The following KALRN variants were observed in gnomAD, a reference collection of about 807,000 sequenced individuals.
KALRN encodes kalirin.
Under a neutral mutation model 353.7 loss-of-function variants are expected in KALRN, and 70 were observed. The ratio of observed to expected loss-of-function variants is 0.20; its 90% confidence interval spans 0.16 to 0.24. The LOEUF is 0.24. Ranked by LOEUF, KALRN falls within the 10% of genes least tolerant of loss-of-function variation. The pLI is 1.00. For synonymous variants in KALRN, 1,391 were observed against 1,434.8 expected (o/e 0.97, Z 0.69); for missense variants, 2,791 against 3,756.7 (o/e 0.74, Z 6.72).
chr3:124,179,305 A>C (rs2073231508), intron 1 of KALRN, among the ~76,000 whole-genome samples: 1 of 152,160 alleles, frequency 6.6e-6, no homozygotes, highest in Non-Finnish European at 1.5e-5. Flanking sequence ...TTTTTTAACA[A>C]ATAAATACAC....
intron 34 of KALRN, chr3:124,584,679 G>C: frequency 7.0e-7 from 1 of 1,432,242 alleles, no homozygotes; most frequent in East Asian, 2.6e-5. Context: ...GTAAGTCAGA[G>C]CTGCGGCCGC....
chr3:124,176,157 G>T (rs1020304697), intron 1 of KALRN, among the ~76,000 whole-genome samples: 5 of 152,034 alleles, frequency 3.3e-5, no homozygotes, highest in Non-Finnish European at 5.9e-5. Flanking sequence ...AGCTTCCCCA[G>T]ATCAATCTTC....
intron 38 of KALRN, among the ~76,000 whole-genome samples, chr3:124,651,957 A>C (rs2083463296): frequency 6.6e-6 from 1 of 152,168 alleles, no homozygotes; most frequent in East Asian, 1.9e-4. Context: ...TTTCTTGTTT[A>C]GGGTTGTACT....
intron 10 of KALRN, among the ~76,000 whole-genome samples, chr3:124,353,315 C>G (rs1581261681): frequency 1.3e-5 from 2 of 152,180 alleles, no homozygotes; most frequent in Middle Eastern, 3.4e-3. Flanking sequence ...ATAGGATAAT[C>G]CACAGAGATG....
At chr3:124,292,738 C>T (rs1004580725) in intron 5 of KALRN, among the ~76,000 whole-genome samples, 12 of 152,122 alleles carry the variant, frequency 7.9e-5, no homozygotes, top group Admixed American at 7.9e-4. Context: ...TAAATTCATA[C>T]CTTTCATCTG....
At chr3:124,342,624 G>A (rs1285407791) in intron 9 of KALRN, among the ~76,000 whole-genome samples, 4 of 152,034 alleles carry the variant, frequency 2.6e-5, no homozygotes, top group Non-Finnish European at 5.9e-5. Context: ...TTATTATTGG[G>A]ATTCAGCTAG....
intron 51 of KALRN, among the ~76,000 whole-genome samples, chr3:124,690,282 A>G (rs333286): frequency 0.014 from 2,153 of 152,360 alleles, 53 homozygotes; most frequent in African/African-American, 0.049. Flanking sequence ...ATAGGGAGCC[A>G]CAGACAAATA....
intron 57 of KALRN, among the ~76,000 whole-genome samples, chr3:124,711,280 C>T (rs2062874609): frequency 2.0e-5 from 3 of 152,076 alleles, no homozygotes; most frequent in Non-Finnish European, 4.4e-5. Context: ...TCTCAGCTTC[C>T]CAAAGCACTG....
intron 1 of KALRN, chr3:124,079,979 T>G (rs1401609299): frequency 1.3e-5 from 6 of 469,136 alleles, no homozygotes; most frequent in Non-Finnish European, 2.7e-5. Flanking sequence ...TTTATTATTC[T>G]GATGTCATGC....
chr3:124,094,616 CACGGCG>C, intron 1 of KALRN: 1 of 595,148 alleles, frequency 1.7e-6, no homozygotes, highest in Non-Finnish European at 3.1e-6. Flanking sequence ...TCGGTCTGCA[CACGGCG>C]TTGTTCTGCA....
At chr3:124,317,274 A>G (rs957476706) in intron 6 of KALRN, among the ~76,000 whole-genome samples, 2 of 152,166 alleles carry the variant, frequency 1.3e-5, no homozygotes, top group Non-Finnish European at 2.9e-5. Flanking sequence ...GCAAAGTAAA[A>G]CAGCTGGGGC....
chr3:124,342,816 A>T (rs1025666012), intron 9 of KALRN, among the ~76,000 whole-genome samples: 1 of 152,176 alleles, frequency 6.6e-6, no homozygotes, highest in African/African-American at 2.4e-5. Flanking sequence ...TCATTCTCAG[A>T]ACAAGAGTAT....
intron 5 of KALRN, among the ~76,000 whole-genome samples, chr3:124,280,514 C>T (rs939157123): frequency 1.3e-5 from 2 of 152,154 alleles, no homozygotes; most frequent in African/African-American, 4.8e-5. Context: ...GACGTGGGCT[C>T]TAAACTCTTT....
At chr3:124,226,529 G>T (rs2078524274) in intron 1 of KALRN, among the ~76,000 whole-genome samples, 1 of 152,200 alleles carries the variant, frequency 6.6e-6, no homozygotes. Context: ...AAAAATGAAA[G>T]AGAAGAAATA....
At chr3:124,575,323 GC>G (rs1300951261) in intron 34 of KALRN, among the ~76,000 whole-genome samples, 2 of 152,318 alleles carry the variant, frequency 1.3e-5, no homozygotes, top group East Asian at 3.9e-4. Flanking sequence ...CCCGTTGCTT[GC>G]CCCCAGCTGC....
chr3:124,378,722 A>G (rs1281426894), intron 10 of KALRN, among the ~76,000 whole-genome samples: 1 of 151,686 alleles, frequency 6.6e-6, no homozygotes, highest in Non-Finnish European at 1.5e-5. Flanking sequence ...TTCTTTTAGT[A>G]CTTTAAAGAT....
chr3:124,142,710 C>T (rs1054026664), intron 1 of KALRN, among the ~76,000 whole-genome samples: 2 of 151,940 alleles, frequency 1.3e-5, no homozygotes, highest in East Asian at 1.9e-4. Flanking sequence ...TACCACTTTT[C>T]CTCCCACTCT....
intron 33 of KALRN, among the ~76,000 whole-genome samples, chr3:124,518,149 C>T (rs998915146): frequency 6.6e-6 from 1 of 152,152 alleles, no homozygotes; most frequent in Non-Finnish European, 1.5e-5. Flanking sequence ...AGTGATCCTC[C>T]TCTGGATTGT....
intron 37 of KALRN, among the ~76,000 whole-genome samples, chr3:124,642,200 C>A (rs1439069036): frequency 6.6e-6 from 1 of 152,128 alleles, no homozygotes; most frequent in African/African-American, 2.4e-5. Flanking sequence ...ATAAGAATCG[C>A]TTGAACTCGG....
Sources: allele counts gnomAD v4.1 joint callset (sites outside exome capture counted in the v4.1 genomes callset), GRCh38; gene constraint gnomAD v4.1.1; transcripts MANE v1.5; gene names NCBI Gene and HGNC (gene_info 2026-07-23, HGNC 2026-07-21).